The following USP32 variants were observed in gnomAD, a reference collection of about 807,000 sequenced individuals.
USP32 encodes ubiquitin specific peptidase 32.
A neutral mutation model predicts 204.8 loss-of-function variants in USP32; 59 were observed. The ratio of observed to expected loss-of-function variants is 0.29; its 90% CI spans 0.23 to 0.36. USP32 has a LOEUF of 0.36. Ranked by LOEUF, USP32 falls within the 10% of genes least tolerant of loss-of-function variation. The pLI, the probability that USP32 is intolerant of heterozygous loss-of-function variation, is 1.00. For synonymous variants in USP32, 517 were observed against 678.4 expected, an observed-to-expected ratio of 0.76 and a Z score of 3.70; for missense variants, 1,160 against 1,946.4, an observed-to-expected ratio of 0.60 and a Z score of 7.60.
rs968440847 is a variant in USP32, at chr17:60,310,696, C to CA, written c.187-8993dup. ...CCTGGGGACAAAGCAAGATTCCATC[C>CA]AAAAAAAAAAGAAATGCTGTCATTT... On this transcript the variant is annotated intron_variant, in intron 2 of 33. Transcript: ENST00000300896. Among the ~76,000 whole-genome samples, 705 of 143,454 alleles carry CA rather than the reference C, an allele frequency of 4.9e-3. 5 individuals carry two copies. Among genetic ancestry groups the CA allele is most frequent in the African/African-American group, 0.017 (672 of 39,004 alleles). 94.1% of individuals were successfully genotyped at this position (143,454 alleles called of 152,430 possible). A position where few individuals can be genotyped will look rare whatever the true frequency, so the allele number is the denominator to read the frequency against.
At chr17:60,283,204 T>C (rs1053292674) in intron 5 of USP32, among the ~76,000 whole-genome samples, 1 of 152,198 alleles carries the variant, frequency 6.6e-6, no homozygotes, top group Non-Finnish European at 1.5e-5. Flanking sequence ...GAGTGATGTA[T>C]ATAGTGTAGC....
chr17:60,186,216 A>C (rs2084247498), intron 29 of USP32, among the ~76,000 whole-genome samples: 1 of 152,238 alleles, frequency 6.6e-6, no homozygotes, highest in South Asian at 2.1e-4. Flanking sequence ...AATGACAAAA[A>C]CAAAAAGAAT....
At chr17:60,339,583 C>CA (rs1420937665) in intron 2 of USP32, among the ~76,000 whole-genome samples, 8,682 of 65,696 alleles carry the variant, frequency 0.13, 1,108 homozygotes, top group African/African-American at 0.34. Flanking sequence ...AACTCCATCT[C>CA]AAAAAAAAAA....
At chr17:60,199,781 G>A (rs1046121029) in intron 26 of USP32, among the ~76,000 whole-genome samples, 2 of 152,038 alleles carry the variant, frequency 1.3e-5, no homozygotes, top group African/African-American at 4.8e-5. Flanking sequence ...ATTTTAAAAC[G>A]TAGCTAAACC....
chr17:60,227,375 T>C (rs1287391057), intron 12 of USP32, among the ~76,000 whole-genome samples: 4 of 150,986 alleles, frequency 2.6e-5, no homozygotes, highest in Non-Finnish European at 5.9e-5. Flanking sequence ...GTTCAGGAGA[T>C]TCTCCTGCCT....
intron 1 of USP32, among the ~76,000 whole-genome samples, chr17:60,348,382 A>G (rs1268096187): frequency 6.6e-6 from 1 of 152,148 alleles, no homozygotes; most frequent in Non-Finnish European, 1.5e-5. Context: ...AAGAAAATTG[A>G]TATGGAATAG....
intron 27 of USP32, 46 bp downstream of exon 27, chr17:60,198,214 T>C (rs779184862): frequency 1.0e-5 from 16 of 1,590,568 alleles, no homozygotes; most frequent in Non-Finnish European, 1.3e-5. Context: ...AGATTATTTT[T>C]CTAGAGTTTG....
At chr17:60,215,251 T>G (rs2085072334) in intron 16 of USP32, among the ~76,000 whole-genome samples, 1 of 152,092 alleles carries the variant, frequency 6.6e-6, no homozygotes, top group African/African-American at 2.4e-5. Flanking sequence ...GGATTACAGG[T>G]GTGAGCCACC....
intron 6 of USP32, among the ~76,000 whole-genome samples, chr17:60,269,809 T>A (rs1325194758): frequency 3.3e-5 from 5 of 152,074 alleles, no homozygotes; most frequent in African/African-American, 7.2e-5. Context: ...TTATCTTACA[T>A]CATTTTTAAT....
intron 2 of USP32, among the ~76,000 whole-genome samples, chr17:60,328,833 C>T (rs1397534170): frequency 6.6e-6 from 1 of 152,230 alleles, no homozygotes; most frequent in Non-Finnish European, 1.5e-5. Context: ...AGGAAGGCAA[C>T]GCCCATGCCA....
At chr17:60,192,176 G>A (rs1450770391) in intron 28 of USP32, among the ~76,000 whole-genome samples, 4 of 151,626 alleles carry the variant, frequency 2.6e-5, no homozygotes, top group African/African-American at 7.3e-5. Context: ...CTGTAGTCCC[G>A]GCTACTCGGG....
chr17:60,234,435 A>C (rs2085661586), intron 12 of USP32, among the ~76,000 whole-genome samples: 1 of 150,914 alleles, frequency 6.6e-6, no homozygotes, highest in Admixed American at 6.6e-5. Flanking sequence ...ATTTAAAAAA[A>C]AATTTTTTTG....
At chr17:60,289,842 C>A (rs542482373) in intron 4 of USP32, among the ~76,000 whole-genome samples, 1 of 152,142 alleles carries the variant, frequency 6.6e-6, no homozygotes, top group South Asian at 2.1e-4. Context: ...TCCTAATAGA[C>A]ATGCTAAAGA....
intron 10 of USP32, among the ~76,000 whole-genome samples, chr17:60,253,764 C>T (rs1406483458): frequency 6.6e-6 from 1 of 151,924 alleles, no homozygotes; most frequent in African/African-American, 2.4e-5. Flanking sequence ...AAGACTCTGT[C>T]TCTAAATAAA....
chr17:60,273,624 A>C (rs1050837796), intron 5 of USP32, among the ~76,000 whole-genome samples: 3 of 152,160 alleles, frequency 2.0e-5, no homozygotes, highest in African/African-American at 7.2e-5. Flanking sequence ...AGAAAACATG[A>C]AAGTAGTAGA....
At chr17:60,188,374 C>T (rs2084299501) in intron 29 of USP32, among the ~76,000 whole-genome samples, 1 of 152,142 alleles carries the variant, frequency 6.6e-6, no homozygotes, top group Non-Finnish European at 1.5e-5. Flanking sequence ...ATTCTTAATA[C>T]AAAGGCAACC....
intron 31 of USP32, among the ~76,000 whole-genome samples, chr17:60,182,218 T>C (rs2084129853): frequency 6.6e-6 from 1 of 152,258 alleles, no homozygotes; most frequent in African/African-American, 2.4e-5. Context: ...TTTTTGGTTA[T>C]AGCCTCTTAC....
At chr17:60,408,952 T>TAATAC in intron 1 of USP32, among the ~76,000 whole-genome samples, 1 of 152,332 alleles carries the variant, frequency 6.6e-6, no homozygotes, top group Non-Finnish European at 1.5e-5. Flanking sequence ...TCCAATCAGA[T>TAATAC]AATACCTTGC....
intron 1 of USP32, among the ~76,000 whole-genome samples, chr17:60,415,251 C>T (rs1025147784): frequency 1.3e-5 from 2 of 152,176 alleles, no homozygotes; most frequent in African/African-American, 4.8e-5. Flanking sequence ...CAGGACTTCA[C>T]TGTACATGGT....
Sources: allele counts gnomAD v4.1 joint callset (sites outside exome capture counted in the v4.1 genomes callset), GRCh38; gene constraint gnomAD v4.1.1; transcripts MANE v1.5; gene names NCBI Gene and HGNC (gene_info 2026-07-23, HGNC 2026-07-21).